The following ULK4 variants were observed in gnomAD, a reference collection of about 807,000 sequenced individuals.
ULK4 encodes the protein inactive serine/threonine-protein kinase ULK4.
ULK4 carries 133 observed loss-of-function variants against 160.6 expected under a neutral mutation model. The ratio of observed to expected loss-of-function variants is 0.83; its 90% CI spans 0.72 to 0.96. ULK4 has a LOEUF of 0.96. Among genes scored for constraint, ULK4 ranks in the 40% least tolerant of loss-of-function variants. The pLI is 0.00. For synonymous variants in ULK4, 534 were observed against 539.8 expected (o/e 0.99, Z 0.15); for missense variants, 1,580 against 1,499.5 (o/e 1.05, Z -0.89).
intron 22 of ULK4, among the ~76,000 whole-genome samples, chr3:41,731,965 C>T (rs1410011191): frequency 1.3e-5 from 2 of 152,176 alleles, no homozygotes; most frequent in South Asian, 2.1e-4. Context: ...TCACTCTCAC[C>T]GTATACAAAA....
chr3:41,375,170 G>A (rs1371111942), intron 35 of ULK4, among the ~76,000 whole-genome samples: 1 of 152,152 alleles, frequency 6.6e-6, no homozygotes, highest in African/African-American at 2.4e-5. Context: ...CATGGTCATG[G>A]ATAAGAAAAA....
chr3:41,899,830 A>G (rs528955357), intron 13 of ULK4, among the ~76,000 whole-genome samples: 1 of 152,346 alleles, frequency 6.6e-6, no homozygotes, highest in Non-Finnish European at 1.5e-5. Context: ...TCACAAAAAG[A>G]AGTAGCTCCA....
chr3:41,360,875 T>C (rs75500851), intron 35 of ULK4, among the ~76,000 whole-genome samples: 5,355 of 151,978 alleles, frequency 0.035, 257 homozygotes, highest in East Asian at 0.19. Context: ...ATAGCACACG[T>C]TTACCTATGT....
intron 22 of ULK4, among the ~76,000 whole-genome samples, chr3:41,737,223 GACAA>G (rs1164103070): frequency 1.3e-5 from 2 of 151,882 alleles, no homozygotes; most frequent in African/African-American, 4.9e-5. Flanking sequence ...ACCAATAACA[GACAA>G]ACAGAGAGCC....
intron 17 of ULK4, among the ~76,000 whole-genome samples, chr3:41,864,642 GGT>G (rs1287718624): frequency 6.6e-6 from 1 of 152,036 alleles, no homozygotes; most frequent in African/African-American, 2.4e-5. Flanking sequence ...GGCTGGGTGT[GGT>G]GTTTCATGCC....
intron 18 of ULK4, among the ~76,000 whole-genome samples, chr3:41,835,581 C>T (rs547604230): frequency 6.6e-6 from 1 of 152,228 alleles, no homozygotes; most frequent in African/African-American, 2.4e-5. Context: ...CTTGGGAGTA[C>T]CTTAGGGACT....
chr3:41,853,015 C>T (rs2042253927), intron 17 of ULK4, among the ~76,000 whole-genome samples: 1 of 152,168 alleles, frequency 6.6e-6, no homozygotes, highest in Admixed American at 6.5e-5. Context: ...GAGATTCAAA[C>T]ACCTGGGAGT....
intron 31 of ULK4, among the ~76,000 whole-genome samples, chr3:41,614,753 T>C (rs972225995): frequency 5.3e-5 from 8 of 152,204 alleles, no homozygotes; most frequent in African/African-American, 1.9e-4. Flanking sequence ...TTTCACCATA[T>C]GGACATGACA....
intron 35 of ULK4, among the ~76,000 whole-genome samples, chr3:41,299,851 G>A (rs973974462): frequency 6.6e-6 from 1 of 152,106 alleles, no homozygotes; most frequent in Non-Finnish European, 1.5e-5. Context: ...ACCTAATCAT[G>A]CTCATGTTGG....
At chr3:41,452,505 C>T (rs565196275) in intron 34 of ULK4, among the ~76,000 whole-genome samples, 1 of 152,110 alleles carries the variant, frequency 6.6e-6, no homozygotes, top group Non-Finnish European at 1.5e-5. Context: ...TGTAAGCAAA[C>T]CCAGGTTCAT....
chr3:41,918,082 G>A (rs551383273), intron 7 of ULK4, among the ~76,000 whole-genome samples: 256 of 152,166 alleles, frequency 1.7e-3, no homozygotes, highest in Middle Eastern at 3.4e-3. Flanking sequence ...TCAAGATAAG[G>A]AAATGGTGAA....
intron 31 of ULK4, among the ~76,000 whole-genome samples, chr3:41,573,521 T>C (rs1294367831): frequency 4.6e-5 from 7 of 152,220 alleles, no homozygotes; most frequent in Admixed American, 4.6e-4. Flanking sequence ...ATGGTCACTC[T>C]CTTTTGCCTT....
intron 34 of ULK4, among the ~76,000 whole-genome samples, chr3:41,402,327 C>T (rs2082198559): frequency 6.6e-6 from 1 of 152,070 alleles, no homozygotes; most frequent in African/African-American, 2.4e-5. Context: ...TTCTTCTTTT[C>T]CAACGGGTAT....
intron 31 of ULK4, among the ~76,000 whole-genome samples, chr3:41,614,434 C>G (rs1390426988): frequency 6.6e-6 from 1 of 152,232 alleles, no homozygotes; most frequent in African/African-American, 2.4e-5. Context: ...TAATGTGTAT[C>G]TGACTGAAGA....
At chr3:41,900,409 A>G (rs1246152643) in intron 13 of ULK4, among the ~76,000 whole-genome samples, 1 of 152,168 alleles carries the variant, frequency 6.6e-6, no homozygotes, top group African/African-American at 2.4e-5. Context: ...AAGGACTGAG[A>G]GCTAAGGTCT....
chr3:41,370,112 A>G (rs975103117), intron 35 of ULK4, among the ~76,000 whole-genome samples: 49 of 152,270 alleles, frequency 3.2e-4, no homozygotes, highest in African/African-American at 1.2e-3. Context: ...CTCAAATTTC[A>G]TTAAAACCTG....
intron 2 of ULK4, among the ~76,000 whole-genome samples, chr3:41,949,292 T>C (rs1700210709): frequency 6.6e-6 from 1 of 151,190 alleles, no homozygotes; most frequent in African/African-American, 2.4e-5. Context: ...CTGGATAGAC[T>C]TTGAGACTCT....
At chr3:41,460,238 G>A (rs2083651606) in intron 33 of ULK4, among the ~76,000 whole-genome samples, 1 of 152,078 alleles carries the variant, frequency 6.6e-6, no homozygotes, top group Non-Finnish European at 1.5e-5. Flanking sequence ...AGGAGGATGA[G>A]GTAACAAACT....
At chr3:41,873,603 G>C (rs1373505298) in intron 17 of ULK4, among the ~76,000 whole-genome samples, 1 of 152,138 alleles carries the variant, frequency 6.6e-6, no homozygotes, top group East Asian at 1.9e-4. Flanking sequence ...GCCCAGGCTA[G>C]AGCGCAGTTG....
Sources: allele counts gnomAD v4.1 joint callset (sites outside exome capture counted in the v4.1 genomes callset), GRCh38; gene constraint gnomAD v4.1.1; transcripts MANE v1.5; gene names NCBI Gene and HGNC (gene_info 2026-07-23, HGNC 2026-07-21).